The following SYNPR variants were observed in gnomAD, a reference collection of about 807,000 sequenced individuals.
SYNPR encodes the protein synaptoporin.
Under a neutral mutation model 32.9 loss-of-function variants are expected in SYNPR, and 23 were observed. The ratio of observed to expected loss-of-function variants is 0.70; its 90% CI spans 0.50 to 0.99. The LOEUF (loss-of-function observed/expected upper bound fraction) is 0.99, where lower values mean the gene tolerates loss of function less well. Among genes scored for constraint, SYNPR ranks in the 50% least tolerant of loss-of-function variants. The pLI is 0.00. For missense variants in SYNPR, 318 were observed against 349.3 expected (o/e 0.91, Z 0.71); for synonymous variants, 146 against 135.9 (o/e 1.07, Z -0.52).
At chr3:63,548,017 C>T (rs1156650282) in intron 3 of SYNPR, among the ~76,000 whole-genome samples, 1 of 152,106 alleles carries the variant, frequency 6.6e-6, no homozygotes, top group Non-Finnish European at 1.5e-5. Context: ...CACCGAATAC[C>T]ATGCTTCAGG....
At chr3:63,415,648 A>G (rs2088530305) in intron 2 of SYNPR, among the ~76,000 whole-genome samples, 2 of 152,216 alleles carry the variant, frequency 1.3e-5, no homozygotes, top group African/African-American at 2.4e-5. Flanking sequence ...ATTCAAGAAA[A>G]ACAGCTGGTG....
At chr3:63,278,764 G>A in intron 2 of SYNPR, 22 bp downstream of exon 2, 1 of 1,551,090 alleles carries the variant, frequency 6.4e-7, no homozygotes, top group Non-Finnish European at 8.7e-7. Flanking sequence ...TGTGTGTGCA[G>A]GGAGGGGCGC....
chr3:63,552,707 A>G (rs1702523829), intron 3 of SYNPR, among the ~76,000 whole-genome samples: 1 of 152,150 alleles, frequency 6.6e-6, no homozygotes, highest in Non-Finnish European at 1.5e-5. Flanking sequence ...TTCACTTTAA[A>G]AATATATATA....
intron 2 of SYNPR, among the ~76,000 whole-genome samples, chr3:63,316,850 T>G (rs2087048198): frequency 6.6e-6 from 1 of 152,048 alleles, no homozygotes; most frequent in Non-Finnish European, 1.5e-5. Flanking sequence ...TCTTTCAATC[T>G]TTTTTATATA....
intron 1 of SYNPR, among the ~76,000 whole-genome samples, chr3:63,238,936 A>G (rs116306100): frequency 0.011 from 1,727 of 152,288 alleles, 36 homozygotes; most frequent in African/African-American, 0.039. Context: ...TTACACTTTA[A>G]GTCATAATAT....
At chr3:63,388,972 G>T (rs1421004149) in intron 2 of SYNPR, among the ~76,000 whole-genome samples, 1 of 152,216 alleles carries the variant, frequency 6.6e-6, no homozygotes, top group East Asian at 1.9e-4. Context: ...TCCAAAATTA[G>T]ATCTTTTTGG....
chr3:63,609,212 A>G lies in SYNPR; in HGVS notation c.496A>G (p.Thr166Ala). 6.2e-7 allele frequency: 1 copy of G among 1,610,216 alleles called. No homozygotes were observed. ...AKGLSDVKVA[T>A]DPKEVLLLMS... Reference sequence around the variant, plus strand: ...AGGACTGTCTGACGTCAAAGTTGCAACGGATCCCAAGGAAGTATTGCTACT... The same window carrying G: ...AGGACTGTCTGACGTCAAAGTTGCAGCGGATCCCAAGGAAGTATTGCTACT... Residue 166 changes from threonine (T) to alanine (A), a missense_variant, in exon 5 of 6, where the codon ACG (threonine) becomes GCG (alanine). Physicochemically the swap from Thr to Ala is moderately conservative, Grantham distance 58. Transcript: ENST00000478300.
intron 3 of SYNPR, among the ~76,000 whole-genome samples, chr3:63,545,227 G>T (rs1409708381): frequency 2.6e-5 from 4 of 151,994 alleles, no homozygotes; most frequent in Non-Finnish European, 4.4e-5. Context: ...TATCATGTTG[G>T]ACAAAATGTA....
At chr3:63,468,491 G>GCA (rs10663212) in intron 2 of SYNPR, among the ~76,000 whole-genome samples, 30,495 of 148,504 alleles carry the variant, frequency 0.21, 3,254 homozygotes, top group African/African-American at 0.27. Context: ...TACCTGCAAA[G>GCA]CACACACACA....
intron 3 of SYNPR, among the ~76,000 whole-genome samples, chr3:63,487,558 G>C (rs535304520): frequency 6.6e-6 from 1 of 152,182 alleles, no homozygotes; most frequent in South Asian, 2.1e-4. Context: ...AAAACAAATG[G>C]CCAGTTTGTT....
intron 3 of SYNPR, among the ~76,000 whole-genome samples, chr3:63,521,025 T>C (rs1701904054): frequency 6.6e-6 from 1 of 152,136 alleles, no homozygotes; most frequent in African/African-American, 2.4e-5. Flanking sequence ...GCAAGTGAGG[T>C]GCTAGAAGGA....
intron 2 of SYNPR, among the ~76,000 whole-genome samples, chr3:63,453,889 A>T (rs1645505132): frequency 6.6e-6 from 1 of 152,176 alleles, no homozygotes; most frequent in African/African-American, 2.4e-5. Context: ...ATTATTGGTT[A>T]TTCAACATAA....
chr3:63,495,755 C>T (rs1701362234), intron 3 of SYNPR, among the ~76,000 whole-genome samples: 1 of 151,892 alleles, frequency 6.6e-6, no homozygotes, highest in African/African-American at 2.4e-5. Context: ...ACTATGGAGA[C>T]AGTAAAAAGA....
chr3:63,234,647 A>G (rs2086188671), intron 1 of SYNPR, among the ~76,000 whole-genome samples: 1 of 152,244 alleles, frequency 6.6e-6, no homozygotes, highest in South Asian at 2.1e-4. Flanking sequence ...ATGAAAAATG[A>G]AAGAAGTAGA....
intron 2 of SYNPR, among the ~76,000 whole-genome samples, chr3:63,366,801 A>C (rs1416450186): frequency 6.6e-6 from 1 of 152,198 alleles, no homozygotes; most frequent in Non-Finnish European, 1.5e-5. Context: ...CCTAGTTTTG[A>C]AAATAAAAAC....
At chr3:63,361,806 T>A (rs1260161087) in intron 2 of SYNPR, among the ~76,000 whole-genome samples, 1 of 147,656 alleles carries the variant, frequency 6.8e-6, no homozygotes, top group East Asian at 2.7e-4. Context: ...ATATACATAT[T>A]TCTACACACA....
chr3:63,285,214 A>G (rs2086669118), intron 2 of SYNPR, among the ~76,000 whole-genome samples: 1 of 152,214 alleles, frequency 6.6e-6, no homozygotes, highest in African/African-American at 2.4e-5. Context: ...ACAGACATCA[A>G]CTGTCTTTTA....
the SYNPR span, among the ~76,000 whole-genome samples, chr3:63,211,692 A>C: frequency 1.3e-4 from 19 of 142,596 alleles, no homozygotes; most frequent in African/African-American, 4.8e-4. Context: ...GGTTTTAAGA[A>C]GAAGCTTGAA....
chr3:63,207,544 G>A, the SYNPR span, among the ~76,000 whole-genome samples: 1 of 151,992 alleles, frequency 6.6e-6, no homozygotes, highest in African/African-American at 2.4e-5. Flanking sequence ...TTCTTTATAT[G>A]GACTTATCTA....
Sources: gnomAD v4.1 joint callset for allele counts (sites outside exome capture counted in the v4.1 genomes callset) on GRCh38, gnomAD v4.1.1 for gene constraint, MANE v1.5 for transcripts, NCBI Gene and HGNC (gene_info 2026-07-23, HGNC 2026-07-21) for gene names.